NELL1: variants seen among roughly 807,000 people sequenced by gnomAD.
NELL1 encodes neural EGFL like 1.
Under a neutral mutation model 107.4 loss-of-function variants are expected in NELL1, and 76 were observed. The ratio of observed to expected loss-of-function variants is 0.71; its 90% CI spans 0.59 to 0.86. The LOEUF (loss-of-function observed/expected upper bound fraction) is 0.86. Ranked by LOEUF, NELL1 falls within the 40% of genes least tolerant of loss-of-function variation. The pLI, the probability that NELL1 is intolerant of heterozygous loss-of-function variation, is 0.00. For missense variants in NELL1, 1,024 were observed against 1,005.5 expected (o/e 1.02, Z -0.25); for synonymous variants, 353 against 341.2 (o/e 1.03, Z -0.38).
intron 14 of NELL1, among the ~76,000 whole-genome samples, chr11:21,321,244 T>G (rs1214268016): frequency 1.3e-5 from 2 of 152,140 alleles, no homozygotes; most frequent in East Asian, 3.9e-4. Flanking sequence ...ATTGTGGGCC[T>G]TCATTTCCTA....
chr11:20,869,679 G>T (rs16906943), intron 4 of NELL1, among the ~76,000 whole-genome samples: 1 of 152,060 alleles, frequency 6.6e-6, no homozygotes, highest in African/African-American at 2.4e-5. Context: ...CTGCTTTTCA[G>T]TTGCCCTAAA....
At chr11:21,560,072 G>A in intron 16 of NELL1, 117 bp from the exon 17 acceptor site, 1 of 939,256 alleles carries the variant, frequency 1.1e-6, no homozygotes, top group Non-Finnish European at 1.7e-6. Flanking sequence ...CAGCTTGGCA[G>A]TACCTAGCAC....
intron 14 of NELL1, among the ~76,000 whole-genome samples, chr11:21,358,155 A>G (rs1850981640): frequency 6.6e-6 from 1 of 152,140 alleles, no homozygotes; most frequent in Non-Finnish European, 1.5e-5. Flanking sequence ...TATGAATTTT[A>G]GGATTGCTTT....
At chr11:21,024,770 A>G (rs1452006649) in intron 12 of NELL1, among the ~76,000 whole-genome samples, 3 of 152,146 alleles carry the variant, frequency 2.0e-5, no homozygotes, top group African/African-American at 4.8e-5. Context: ...CCAAGGCTAT[A>G]GTTTCTTATA....
intron 15 of NELL1, among the ~76,000 whole-genome samples, chr11:21,415,093 A>G (rs1287371974): frequency 3.3e-5 from 5 of 152,244 alleles, no homozygotes; most frequent in South Asian, 4.1e-4. Flanking sequence ...CAGGGCTGTT[A>G]AACTACCTGA....
At chr11:21,295,556 A>G (rs1283650891) in intron 14 of NELL1, among the ~76,000 whole-genome samples, 2 of 152,066 alleles carry the variant, frequency 1.3e-5, no homozygotes, top group African/African-American at 4.8e-5. Context: ...TAAGAAGAGG[A>G]TTTGTAAGAA....
chr11:20,712,025 A>T (rs939378102), intron 2 of NELL1, among the ~76,000 whole-genome samples: 2 of 152,150 alleles, frequency 1.3e-5, no homozygotes, highest in African/African-American at 4.8e-5. Context: ...GTTTTCCTCA[A>T]TTATTCCCTC....
chr11:20,677,087 C>G (rs1854077442), intron 1 of NELL1, among the ~76,000 whole-genome samples: 1 of 152,188 alleles, frequency 6.6e-6, no homozygotes, highest in African/African-American at 2.4e-5. Flanking sequence ...GGCTGTATTT[C>G]TCTGCATTAA....
chr11:21,470,664 A>T (rs1037456565), intron 15 of NELL1, among the ~76,000 whole-genome samples: 24 of 152,070 alleles, frequency 1.6e-4, no homozygotes, highest in African/African-American at 5.6e-4. Context: ...TCCTGTATTA[A>T]GCTGTGAACA....
intron 15 of NELL1, among the ~76,000 whole-genome samples, chr11:21,382,975 C>G (rs563795534): frequency 6.6e-6 from 1 of 151,916 alleles, no homozygotes; most frequent in East Asian, 1.9e-4. Context: ...CCGTGAGCAA[C>G]TGGAGCCCAG....
intron 12 of NELL1, among the ~76,000 whole-genome samples, chr11:21,036,944 G>A (rs1038336896): frequency 1.3e-5 from 2 of 151,542 alleles, no homozygotes; most frequent in African/African-American, 4.8e-5. Flanking sequence ...TTATTTCACT[G>A]TTTACTCATG....
chr11:21,285,947 A>C (rs937809571), intron 14 of NELL1, among the ~76,000 whole-genome samples: 4 of 152,164 alleles, frequency 2.6e-5, no homozygotes, highest in African/African-American at 9.7e-5. Flanking sequence ...TTAAAAACAC[A>C]ATGACTGTAA....
Position 21,231,096 on chromosome 11 carries a change from C to T in NELL1, c.1549+1642C>T, listed in dbSNP as rs114441106. 6.1e-3 allele frequency among the ~76,000 whole-genome samples: 927 copies of T among 152,140 alleles called. 9 individuals carry two copies. Among genetic ancestry groups the T allele is most frequent in the African/African-American group, 0.022 (895 of 41,496 alleles). ...CTCTAAACATTTGTATGTACACGCACGCACACACAAACACATACATACATG... is the reference window on the plus strand; with the variant it reads ...CTCTAAACATTTGTATGTACACGCATGCACACACAAACACATACATACATG... On this transcript the variant is annotated intron_variant, in intron 14 of 19. Transcript: ENST00000357134.
At chr11:21,280,200 A>T (rs1418517983) in intron 14 of NELL1, among the ~76,000 whole-genome samples, 1 of 152,180 alleles carries the variant, frequency 6.6e-6, no homozygotes, top group African/African-American at 2.4e-5. Flanking sequence ...ACCTAATGTA[A>T]ACTATGGACT....
intron 12 of NELL1, among the ~76,000 whole-genome samples, chr11:21,081,658 A>G (rs550528800): frequency 1.3e-5 from 2 of 152,282 alleles, no homozygotes; most frequent in Middle Eastern, 3.4e-3. Flanking sequence ...GTTTCTCTGG[A>G]AAATGTGTCT....
chr11:21,552,148 GA>G (rs1208818946), intron 16 of NELL1, among the ~76,000 whole-genome samples: 120 of 102,256 alleles, frequency 1.2e-3, no homozygotes, highest in African/African-American at 4.5e-3. Context: ...GGGGTGGGGG[GA>G]GGGGGGAGGG....
intron 15 of NELL1, among the ~76,000 whole-genome samples, chr11:21,421,772 T>C (rs1005074758): frequency 6.6e-5 from 10 of 152,036 alleles, no homozygotes; most frequent in Non-Finnish European, 1.3e-4. Context: ...ATAAAAGACA[T>C]GAATAAAACT....
chr11:21,102,073 G>A (rs1013368802), intron 12 of NELL1, among the ~76,000 whole-genome samples: 12 of 152,046 alleles, frequency 7.9e-5, no homozygotes, highest in Admixed American at 6.6e-5. Flanking sequence ...GGCTAGTCTC[G>A]AACTTCTGAC....
At chr11:20,964,007 T>C (rs1245201168) in intron 12 of NELL1, among the ~76,000 whole-genome samples, 1 of 152,142 alleles carries the variant, frequency 6.6e-6, no homozygotes, top group African/African-American at 2.4e-5. Flanking sequence ...ATAGCTGAAC[T>C]CCTGGCCAAT....
Sources: gnomAD v4.1 joint callset for allele counts (sites outside exome capture counted in the v4.1 genomes callset) on GRCh38, gnomAD v4.1.1 for gene constraint, MANE v1.5 for transcripts, NCBI Gene and HGNC (gene_info 2026-07-23, HGNC 2026-07-21) for gene names.